Variants in RTTN observed in about 807,000 individuals in gnomAD.
RTTN encodes rotatin.
A neutral mutation model predicts 269.2 loss-of-function variants in RTTN; 182 were observed. That is an observed-to-expected ratio of 0.68 (90% CI 0.60 to 0.76). The LOEUF (loss-of-function observed/expected upper bound fraction) is 0.76, where lower values mean the gene tolerates loss of function less well. RTTN is among the 30% of genes least tolerant of loss of function. RTTN has a pLI of 0.00. For synonymous variants in RTTN, 1,006 were observed against 963.5 expected (o/e 1.04, Z -0.82); for missense variants, 2,545 against 2,608.6 (o/e 0.98, Z 0.53).
At chr18:70,103,514 A>C (rs891765360) in intron 28 of RTTN, among the ~76,000 whole-genome samples, 2 of 152,116 alleles carry the variant, frequency 1.3e-5, no homozygotes, top group African/African-American at 4.8e-5. Context: ...AAATGGATTA[A>C]GGGCGGTGCA....
intron 44 of RTTN, among the ~76,000 whole-genome samples, chr18:70,022,945 A>G (rs1441548400): frequency 6.6e-6 from 1 of 152,114 alleles, no homozygotes; most frequent in Non-Finnish European, 1.5e-5. Context: ...ACGTGGCTTT[A>G]AGTACAATCT....
Position 70,020,834 on chromosome 18 carries a change from C to T in RTTN, c.5951-17G>A. 2 of 1,597,888 alleles carry T rather than the reference C, an allele frequency of 1.3e-6. No individual in the cohort carries two copies. Among genetic ancestry groups the T allele is most frequent in the Non-Finnish European group, 1.7e-6 (2 of 1,169,304 alleles). On this transcript the variant is annotated splice_polypyrimidine_tract_variant and intron_variant, in intron 44 of 48. Transcript: ENST00000640769. ...AACTGCAACCTTCAAAAATAACAGCCTATCACAATGTCTTCTCAGTTTCCC... is the reference window on the plus strand; with the variant it reads ...AACTGCAACCTTCAAAAATAACAGCTTATCACAATGTCTTCTCAGTTTCCC...
intron 26 of RTTN, among the ~76,000 whole-genome samples, chr18:70,119,119 A>G (rs1305977932): frequency 3.9e-5 from 6 of 152,132 alleles, no homozygotes; most frequent in African/African-American, 1.4e-4. Context: ...AGGCATCCAC[A>G]TTAGAAAAAA....
chr18:70,074,760 T>G (rs1045739736), intron 33 of RTTN: 80 of 151,756 alleles, frequency 5.3e-4, no homozygotes, highest in African/African-American at 1.8e-3. Flanking sequence ...GATATAATTA[T>G]TTTTATGTGC....
At chr18:70,031,477 A>G (rs2057011134) in intron 40 of RTTN, 3 of 397,072 alleles carry the variant, frequency 7.6e-6, no homozygotes, top group Non-Finnish European at 1.3e-5. Flanking sequence ...CCTGTCATAT[A>G]ACATTTTCTC....
chr18:70,119,408 T>C (rs939019561), intron 26 of RTTN, among the ~76,000 whole-genome samples: 21 of 147,230 alleles, frequency 1.4e-4, no homozygotes, highest in African/African-American at 5.3e-4. Flanking sequence ...GGTACCAGAA[T>C]GAAATCACGC....
In RTTN at chr18:70,166,065, C is replaced by T. The variant is rs267605252; in HGVS notation, c.1926G>A (p.Thr642=). The part of the protein sequence containing the change: ...AETYHCCLEI[T]KECLGVHNVT... The stretch of plus-strand genomic sequence containing the variant: ...ATACGAAAAAACAAAACCTCACCTT[C>T]GTGATTTCCAGACAGCAGTGGTAAG... The change falls in exon 14 of 49, where the codon ACG becomes ACA. Residue 642 remains threonine (T), a synonymous_variant. Transcript: ENST00000640769. 1.1e-5 allele frequency: 17 copies of T among 1,613,298 alleles called. No individual in the cohort carries two copies. The highest frequency in any genetic ancestry group is 1.4e-5 in the Non-Finnish European group (16 of 1,179,600).
chr18:70,073,417 C>A (rs192386667), intron 34 of RTTN, among the ~76,000 whole-genome samples: 1 of 152,276 alleles, frequency 6.6e-6, no homozygotes, highest in East Asian at 1.9e-4. Context: ...CAGCACCACA[C>A]TAGAATCATT....
chr18:70,028,842 G>T, intron 42 of RTTN, 41 bp from the exon 43 acceptor site: 1 of 1,367,228 alleles, frequency 7.3e-7, no homozygotes, highest in African/African-American at 1.4e-5. Context: ...GAATGCAACA[G>T]CATACTTCAC....
rs1444892545 is a variant in RTTN at position 70,127,612 on chromosome 18, A to G, written c.3273T>C (p.Ala1091=). ...GAAGATAAAAACTCATCCTGGTGAC[A>G]GCAGCCCTAACTTCCCTGTGGGTTG... ...QAATHREVRA[A]VTRMSFYLLN... The change falls in exon 25 of 49, where the codon GCT becomes GCC. Residue 1091 remains alanine (A), a synonymous_variant. Transcript: ENST00000640769. The G allele has an allele frequency of 9.3e-6, 15 of 1,613,508 alleles. No individual in the cohort carries two copies. Among genetic ancestry groups the G allele is most frequent in the Non-Finnish European group, 1.2e-5 (14 of 1,179,762 alleles).
rs10559303 is a variant in RTTN, at chr18:70,163,069, T to TAAAAAAAAAAAAAAAAA, written c.1929+2976_1929+2992dup. On this transcript the variant is annotated intron_variant, in intron 14 of 48. Transcript: ENST00000640769. ...CACCCATTAGGATGGTTACTATTAT[T>TAAAAAAAAAAAAAAAAA]AAAAAAAAAAAAAAAAAAAAAAAAA... is the stretch of plus-strand genomic sequence containing the variant. 8.8e-5 allele frequency among the ~76,000 whole-genome samples: 5 copies of TAAAAAAAAAAAAAAAAA among 56,982 alleles called. 1 individual carries two copies. The highest frequency in any genetic ancestry group is 3.5e-4 in the African/African-American group (5 of 14,166). 37.4% of individuals were successfully genotyped at this position (56,982 alleles called of 152,430 possible). A position where few individuals can be genotyped will look rare whatever the true frequency, so the allele number is the denominator to read the frequency against.
At chr18:70,128,726 T>C in intron 23 of RTTN, 180 bp from the exon 24 acceptor site, 1 of 560,636 alleles carries the variant, frequency 1.8e-6, no homozygotes. Context: ...ATTCTTTTCA[T>C]CTCCTCTAAA....
At chr18:70,069,042 A>G (rs1406450793) in intron 34 of RTTN, among the ~76,000 whole-genome samples, 2 of 152,184 alleles carry the variant, frequency 1.3e-5, no homozygotes, top group Admixed American at 1.3e-4. Context: ...TGTTTGGTCA[A>G]AGAGTGCAAA....
intron 11 of RTTN, among the ~76,000 whole-genome samples, chr18:70,170,464 G>C (rs537848981): frequency 2.6e-5 from 4 of 152,360 alleles, no homozygotes; most frequent in Admixed American, 2.6e-4. Flanking sequence ...AGTAGAGGAA[G>C]GCCTCGCTAA....
At chr18:70,024,016 C>G (rs1443957932) in intron 44 of RTTN, among the ~76,000 whole-genome samples, 1 of 152,204 alleles carries the variant, frequency 6.6e-6, no homozygotes, top group East Asian at 1.9e-4. Context: ...CTCCAGACTT[C>G]AAGTGATCCG....
intron 34 of RTTN, among the ~76,000 whole-genome samples, chr18:70,068,321 C>T (rs1466760150): frequency 6.6e-6 from 1 of 152,122 alleles, no homozygotes; most frequent in East Asian, 1.9e-4. Context: ...GCTATAGGTA[C>T]AAAAAGCCTG....
intron 43 of RTTN, among the ~76,000 whole-genome samples, chr18:70,027,211 C>T (rs977111381): frequency 2.6e-5 from 4 of 152,136 alleles, no homozygotes; most frequent in African/African-American, 9.7e-5. Flanking sequence ...GTATGAAAAC[C>T]CCTAATGTTA....
chr18:70,108,298 A>G (rs2059375802), intron 28 of RTTN, among the ~76,000 whole-genome samples: 1 of 151,962 alleles, frequency 6.6e-6, no homozygotes, highest in Non-Finnish European at 1.5e-5. Context: ...AAGTCATTTC[A>G]TTTCACAATT....
chr18:70,107,398 G>A (rs1568391407), intron 28 of RTTN, among the ~76,000 whole-genome samples: 2 of 152,204 alleles, frequency 1.3e-5, no homozygotes, highest in Non-Finnish European at 2.9e-5. Flanking sequence ...GTTAAGCCTT[G>A]TCTATGAAGC....
Sources: gnomAD v4.1 joint callset for allele counts (sites outside exome capture counted in the v4.1 genomes callset) on GRCh38, gnomAD v4.1.1 for gene constraint, MANE v1.5 for transcripts, NCBI Gene and HGNC (gene_info 2026-07-23, HGNC 2026-07-21) for gene names.